Variants in CPNE4 observed in about 807,000 individuals in gnomAD.
CPNE4 encodes the protein copine-4.
Under a neutral mutation model 67.9 loss-of-function variants are expected in CPNE4, and 25 were observed. That is an observed-to-expected ratio of 0.37 (90% CI 0.27 to 0.51). The LOEUF (loss-of-function observed/expected upper bound fraction) is 0.51, where lower values mean the gene tolerates loss of function less well. Among genes scored for constraint, CPNE4 ranks in the 20% least tolerant of loss-of-function variants. The pLI, the probability that CPNE4 is intolerant of heterozygous loss-of-function variation, is 0.93. For missense variants in CPNE4, 464 were observed against 690.8 expected (o/e 0.67, Z 3.68); for synonymous variants, 242 against 244.9 (o/e 0.99, Z 0.11).
intron 2 of CPNE4, among the ~76,000 whole-genome samples, chr3:131,825,946 T>A (rs139841981): frequency 6.6e-6 from 1 of 152,234 alleles, no homozygotes; most frequent in African/African-American, 2.4e-5. Flanking sequence ...CTTGGGTCTT[T>A]ATAGGCCCCC....
At chr3:131,934,785 A>G (rs917562437) in intron 1 of CPNE4, among the ~76,000 whole-genome samples, 1 of 152,176 alleles carries the variant, frequency 6.6e-6, no homozygotes, top group Non-Finnish European at 1.5e-5. Context: ...GGGAATACCT[A>G]CTAAAGCAGG....
At chr3:131,716,497 A>T (rs566267098) in intron 3 of CPNE4, among the ~76,000 whole-genome samples, 1 of 152,200 alleles carries the variant, frequency 6.6e-6, no homozygotes, top group Non-Finnish European at 1.5e-5. Flanking sequence ...ATACTTGACA[A>T]ACCTGAGCAA....
At chr3:131,951,774 G>C (rs1023058736) in intron 1 of CPNE4, among the ~76,000 whole-genome samples, 1 of 152,048 alleles carries the variant, frequency 6.6e-6, no homozygotes, top group African/African-American at 2.4e-5. Context: ...TGTGTTGGCC[G>C]GGCTGGTCTC....
chr3:131,768,610 C>T (rs2083084573), intron 2 of CPNE4, among the ~76,000 whole-genome samples: 1 of 152,132 alleles, frequency 6.6e-6, no homozygotes, highest in Non-Finnish European at 1.5e-5. Context: ...TGCTAAACAG[C>T]TTCATCTCAA....
upstream of CPNE4, chr3:132,037,495 C>T (rs2074360308): frequency 3.8e-6 from 5 of 1,306,364 alleles, no homozygotes; most frequent in East Asian, 2.5e-5. Flanking sequence ...CAGCAAGTTG[C>T]CCGCCAGCCA....
intron 15 of CPNE4, among the ~76,000 whole-genome samples, chr3:131,540,565 A>C (rs1935426221): frequency 6.6e-6 from 1 of 152,156 alleles, no homozygotes; most frequent in African/African-American, 2.4e-5. Context: ...TGTTTTGATG[A>C]TCCATTTAGC....
rs1445050705 is a variant in CPNE4 at position 131,986,879 on chromosome 3, A to C, written c.-2+47688T>G. 2.1e-3 allele frequency among the ~76,000 whole-genome samples: 320 copies of C among 151,862 alleles called. 2 individuals are homozygous for C. Among genetic ancestry groups the C allele is most frequent in the African/African-American group, 6.7e-3 (279 of 41,410 alleles). On this transcript the variant is annotated intron_variant, in intron 1 of 15. Coordinates refer to ENST00000429747, the MANE Select transcript of CPNE4 (RefSeq NM_130808.3). The stretch of plus-strand genomic sequence containing the variant: ...AAAAACAAACAAACAAAAAAAAAAA[A>C]ACAAAGAACTTAAGGATAGACAGAA...
At chr3:131,586,251 C>T (rs962636473) in intron 8 of CPNE4, among the ~76,000 whole-genome samples, 11 of 152,228 alleles carry the variant, frequency 7.2e-5, no homozygotes, top group South Asian at 4.1e-4. Flanking sequence ...AGAGTAAGAA[C>T]GGCAGGTGTC....
chr3:131,730,872 G>A (rs1264610642), intron 2 of CPNE4, among the ~76,000 whole-genome samples: 1 of 152,086 alleles, frequency 6.6e-6, no homozygotes, highest in Non-Finnish European at 1.5e-5. Flanking sequence ...CCAGAACTGT[G>A]AAGGAATAAA....
chr3:131,968,176 C>A (rs374747055), intron 1 of CPNE4, among the ~76,000 whole-genome samples: 24 of 152,226 alleles, frequency 1.6e-4, no homozygotes, highest in African/African-American at 5.5e-4. Flanking sequence ...TGAAACTGGA[C>A]CCCTTCCTTA....
At chr3:131,906,247 G>GT (rs995462034) in intron 1 of CPNE4, among the ~76,000 whole-genome samples, 6 of 148,800 alleles carry the variant, frequency 4.0e-5, no homozygotes, top group South Asian at 2.1e-4. Flanking sequence ...TTTTGTTTTT[G>GT]TTTTTTTGTT....
intron 1 of CPNE4, among the ~76,000 whole-genome samples, chr3:132,000,207 G>A (rs1210581643): frequency 6.6e-6 from 1 of 151,932 alleles, no homozygotes; most frequent in Non-Finnish European, 1.5e-5. Flanking sequence ...AAGGAAGGAA[G>A]ACCCTGTCAA....
At chr3:131,691,009 A>G (rs2081021697) in intron 5 of CPNE4, among the ~76,000 whole-genome samples, 1 of 152,196 alleles carries the variant, frequency 6.6e-6, no homozygotes, top group African/African-American at 2.4e-5. Context: ...ATGAGATACC[A>G]TCTCGCACCA....
chr3:131,955,004 C>T (rs776905035), intron 1 of CPNE4, among the ~76,000 whole-genome samples: 4 of 148,908 alleles, frequency 2.7e-5, no homozygotes, highest in African/African-American at 7.3e-5. Context: ...TTCACAGATA[C>T]GCACACCAAT....
chr3:131,645,829 A>G (rs1262047250), intron 7 of CPNE4, among the ~76,000 whole-genome samples: 1 of 152,136 alleles, frequency 6.6e-6, no homozygotes, highest in African/African-American at 2.4e-5. Flanking sequence ...AGGCATTACC[A>G]TCTTTGTAGG....
intron 1 of CPNE4, among the ~76,000 whole-genome samples, chr3:131,997,304 T>G (rs2107656822): frequency 6.6e-6 from 1 of 152,236 alleles, no homozygotes; most frequent in South Asian, 2.1e-4. Flanking sequence ...TCAGCCCAAA[T>G]AGTTCCATCT....
At chr3:131,567,493 T>G (rs1937119161) in intron 10 of CPNE4, among the ~76,000 whole-genome samples, 1 of 152,014 alleles carries the variant, frequency 6.6e-6, no homozygotes, top group Admixed American at 6.6e-5. Context: ...GCACTCACTC[T>G]CAGCAGACCC....
intron 2 of CPNE4, among the ~76,000 whole-genome samples, chr3:131,902,831 T>G (rs967217627): frequency 2.4e-4 from 36 of 152,038 alleles, no homozygotes; most frequent in African/African-American, 8.7e-4. Flanking sequence ...AAATAAAAAA[T>G]AATGAGACTA....
chr3:131,574,981 C>A, intron 10 of CPNE4, 90 bp downstream of exon 10: 2 of 1,090,078 alleles, frequency 1.8e-6, no homozygotes, highest in Non-Finnish European at 2.8e-6. Context: ...TTTTAATAAG[C>A]TTTTGTCTCT....
Sources: allele counts gnomAD v4.1 joint callset (sites outside exome capture counted in the v4.1 genomes callset), GRCh38; gene constraint gnomAD v4.1.1; transcripts MANE v1.5; gene names NCBI Gene and HGNC (gene_info 2026-07-23, HGNC 2026-07-21).